COL4A6: variants seen among roughly 807,000 people sequenced by gnomAD.
COL4A6 encodes collagen type IV alpha 6 chain, also known as collagen alpha-6(IV) chain.
A neutral mutation model predicts 126.7 loss-of-function variants in COL4A6; 59 were observed. The ratio of observed to expected loss-of-function variants is 0.47; its 90% CI spans 0.38 to 0.58. The LOEUF is 0.58. Ranked by LOEUF, COL4A6 falls within the 20% of genes least tolerant of loss-of-function variation. COL4A6 has a pLI of 0.00. For missense variants in COL4A6, 1,285 were observed against 1,337.3 expected (o/e 0.96, Z 0.61); for synonymous variants, 547 against 496.6 (o/e 1.10, Z -1.35).
At chrX:108,312,915 C>A (rs766790449) in intron 2 of COL4A6, among the ~76,000 whole-genome samples, 1 of 109,972 alleles carries the variant, frequency 9.1e-6, no homozygotes, top group South Asian at 3.9e-4. Context: ...AGCAAGGGAA[C>A]TGGATAAGAC....
chrX:108,180,389 C>T (rs2034644936), intron 25 of COL4A6, 126 bp downstream of exon 25: 3 of 556,555 alleles, frequency 5.4e-6, no homozygotes, highest in East Asian at 7.5e-5. Context: ...ATCCTACCCA[C>T]ACCAGAGAGC....
chrX:108,415,944 G>T (rs1040798557), intron 2 of COL4A6, among the ~76,000 whole-genome samples: 6 of 112,221 alleles, frequency 5.3e-5, no homozygotes, highest in Admixed American at 3.8e-4. Flanking sequence ...GAATGAAAGG[G>T]AAGTGGTTAC....
chrX:108,161,594 G>A (rs770511393), intron 42 of COL4A6, 25 bp downstream of exon 42: 5 of 258,610 alleles, frequency 1.9e-5, no homozygotes, highest in South Asian at 6.1e-5. Context: ...CGCCCCGCCC[G>A]CCTCCTAATG....
At chrX:108,232,794 T>C (rs2036341536) in intron 3 of COL4A6, among the ~76,000 whole-genome samples, 1 of 111,525 alleles carries the variant, frequency 9.0e-6, no homozygotes. Context: ...GAGCATCAGT[T>C]GAGACAATGC....
intron 2 of COL4A6, among the ~76,000 whole-genome samples, chrX:108,425,729 CACAA>C (rs1340962147): frequency 1.8e-3 from 192 of 105,511 alleles, no homozygotes; most frequent in African/African-American, 6.0e-3. Flanking sequence ...ACAACACACA[CACAA>C]ACACACACAC....
At chrX:108,422,186 G>C (rs1451388204) in intron 2 of COL4A6, among the ~76,000 whole-genome samples, 1 of 110,308 alleles carries the variant, frequency 9.1e-6, no homozygotes, top group Non-Finnish European at 1.9e-5. Context: ...AGCTTGGGCA[G>C]ACCTTGTTTC....
At position 108,270,899 on chromosome X, in the gene COL4A6, A is replaced by G. The variant is rs771493530; in HGVS notation, c.144+39849T>C. Among the ~76,000 whole-genome samples the G allele has an allele frequency of 6.3e-5, 7 of 111,173 alleles. No individual in the cohort carries two copies. The East Asian group carries it at 1.7e-3, about 27-fold the overall frequency. On this transcript the variant is annotated intron_variant, in intron 3 of 44. Transcript: ENST00000334504. ...CACTAAGTCCCGAGGATCCATCCCA[A>G]TGACCTCATCTCAAAGCTATGGTTG...
intron 3 of COL4A6, among the ~76,000 whole-genome samples, chrX:108,284,043 G>T (rs1301043410): frequency 8.9e-6 from 1 of 112,090 alleles, no homozygotes; most frequent in African/African-American, 3.2e-5. Context: ...AGTAGGTTTA[G>T]TGTTATATTT....
chrX:108,243,942 T>C lies in COL4A6; in HGVS notation c.145-22568A>G, dbSNP rs188456796. On this transcript the variant is annotated intron_variant, in intron 3 of 44. Coordinates refer to ENST00000334504, the MANE Select transcript of COL4A6 (RefSeq NM_033641.4). ...TCCCCAAAACCTGGGAGAGCTTATG[T>C]GATGTTTATAAAAGGACAGCGGTCA... is the stretch of plus-strand genomic sequence containing the variant. Among the ~76,000 whole-genome samples the C allele has an allele frequency of 1.1e-4, 12 of 112,143 alleles. 1 individual carries two copies. The Admixed American group carries it at 1.1e-3, about 11-fold the overall frequency.
At chrX:108,197,772 A>AGTGT (rs57928875) in intron 13 of COL4A6, among the ~76,000 whole-genome samples, 25,840 of 87,002 alleles carry the variant, frequency 0.3, 3,488 homozygotes, top group East Asian at 0.64. Flanking sequence ...TATTGGGAGG[A>AGTGT]GTGTGTGTGT....
chrX:108,329,872 CTCTT>C (rs1197970227), intron 2 of COL4A6, among the ~76,000 whole-genome samples: 14 of 111,130 alleles, frequency 1.3e-4, no homozygotes, highest in African/African-American at 4.6e-4. Flanking sequence ...TCGAAGGTGA[CTCTT>C]TCAGCTTGAG....
intron 2 of COL4A6, among the ~76,000 whole-genome samples, chrX:108,347,609 G>T (rs892364361): frequency 8.1e-5 from 9 of 111,200 alleles, no homozygotes; most frequent in African/African-American, 2.0e-4. Context: ...GGTAAGTCTT[G>T]TTGGCCACTA....
At chrX:108,408,992 A>T (rs982591198) in intron 2 of COL4A6, among the ~76,000 whole-genome samples, 4 of 112,297 alleles carry the variant, frequency 3.6e-5, no homozygotes, top group African/African-American at 9.7e-5. Flanking sequence ...TATTACTTTC[A>T]TATACTTTAT....
chrX:108,209,048 T>C (rs191552516), intron 8 of COL4A6, among the ~76,000 whole-genome samples: 56 of 112,287 alleles, frequency 5.0e-4, no homozygotes, highest in African/African-American at 1.4e-3. Flanking sequence ...ATTTAATGAA[T>C]ACACTATCTA....
At chrX:108,397,498 A>G (rs1377643905) in intron 2 of COL4A6, among the ~76,000 whole-genome samples, 3 of 110,684 alleles carry the variant, frequency 2.7e-5, no homozygotes, top group East Asian at 5.6e-4. Context: ...AGCACATTCT[A>G]TTTCTTTTTC....
intron 8 of COL4A6, among the ~76,000 whole-genome samples, chrX:108,209,180 CTATT>C (rs997807373): frequency 8.9e-5 from 10 of 112,195 alleles, no homozygotes; most frequent in African/African-American, 3.2e-4. Flanking sequence ...CCGTAACTCT[CTATT>C]TAGAAAGTCT....
chrX:108,159,138 C>T (rs1326433636), intron 44 of COL4A6, among the ~76,000 whole-genome samples: 1 of 111,672 alleles, frequency 9.0e-6, no homozygotes, highest in African/African-American at 3.3e-5. Context: ...CTCTCCCTCA[C>T]TGTCCTCCCA....
At chrX:108,210,226 T>C (rs1404301193) in intron 7 of COL4A6, among the ~76,000 whole-genome samples, 1 of 112,670 alleles carries the variant, frequency 8.9e-6, no homozygotes, top group Non-Finnish European at 1.9e-5. Context: ...ACACATATTA[T>C]AGCCTTGGCT....
chrX:108,202,927 C>A lies in COL4A6; in HGVS notation c.834+1G>T. The A allele has an allele frequency of 4.1e-6, 5 of 1,207,885 alleles. No homozygotes were observed. The highest frequency in any genetic ancestry group is 5.6e-6 in the Non-Finnish European group (5 of 892,175). On this transcript the variant is annotated splice_donor_variant, in intron 13 of 44. Coordinates refer to ENST00000334504, the MANE Select transcript of COL4A6 (RefSeq NM_033641.4). LOFTEE classifies it high-confidence loss of function. ...CATATTGATCAAATAGAGAGACTTACCGGGAAGCCTGGAGGGCCACTTATG... is the reference window on the plus strand; with the variant it reads ...CATATTGATCAAATAGAGAGACTTAACGGGAAGCCTGGAGGGCCACTTATG...
Sources: allele counts gnomAD v4.1 joint callset (sites outside exome capture counted in the v4.1 genomes callset), GRCh38; gene constraint gnomAD v4.1.1; transcripts MANE v1.5; gene names NCBI Gene and HGNC (gene_info 2026-07-23, HGNC 2026-07-21).